The following GASK1A variants were observed in gnomAD, a reference collection of about 807,000 sequenced individuals.
GASK1A encodes Golgi-associated kinase 1A.
Under a neutral mutation model 41.2 loss-of-function variants are expected in GASK1A, and 40 were observed. The ratio of observed to expected loss-of-function variants is 0.97; its 90% CI spans 0.75 to 1.27. GASK1A has a LOEUF of 1.27. Among genes scored for constraint, GASK1A ranks in the 50% most tolerant of loss-of-function variants. The pLI, the probability that GASK1A is intolerant of heterozygous loss-of-function variation, is 0.00. For missense variants in GASK1A, 678 were observed against 745.1 expected (o/e 0.91, Z 1.05); for synonymous variants, 316 against 307.1 (o/e 1.03, Z -0.30).
At chr3:43,039,038 C>CTT (rs58111345) in intron 2 of GASK1A, among the ~76,000 whole-genome samples, 1,673 of 142,828 alleles carry the variant, frequency 0.012, 32 homozygotes, top group African/African-American at 0.04. Flanking sequence ...CCTCTTTTGA[C>CTT]TTTTTTTTTT....
At chr3:43,045,156 A>G (rs1242426999) in intron 2 of GASK1A, among the ~76,000 whole-genome samples, 2 of 152,160 alleles carry the variant, frequency 1.3e-5, no homozygotes, top group Non-Finnish European at 2.9e-5. Context: ...AATGGAGAGC[A>G]TGTTTACTAG....
At chr3:43,013,469 C>G (rs1446433358) in intron 1 of GASK1A, among the ~76,000 whole-genome samples, 3 of 131,078 alleles carry the variant, frequency 2.3e-5, no homozygotes, top group African/African-American at 5.9e-5. Context: ...GAAGTAACAG[C>G]AAGGGGCTGT....
At chr3:42,991,875 G>A (rs1036611130) in intron 1 of GASK1A, among the ~76,000 whole-genome samples, 2 of 152,188 alleles carry the variant, frequency 1.3e-5, no homozygotes, top group South Asian at 2.1e-4. Context: ...CTGGCTGCTG[G>A]CAGGGTTGCT....
chr3:43,041,177 A>G (rs1265320445), intron 2 of GASK1A, among the ~76,000 whole-genome samples: 2 of 150,350 alleles, frequency 1.3e-5, no homozygotes, highest in African/African-American at 4.9e-5. Flanking sequence ...TAGTGCCGCA[A>G]TAAACATACA....
chr3:43,013,210 G>T (rs963722520), intron 1 of GASK1A, among the ~76,000 whole-genome samples: 3 of 151,936 alleles, frequency 2.0e-5, no homozygotes, highest in Non-Finnish European at 4.4e-5. Context: ...GGGGCAGTGA[G>T]AAGTCACAGG....
chr3:42,991,050 G>A (rs2089338140), intron 1 of GASK1A, among the ~76,000 whole-genome samples: 1 of 152,198 alleles, frequency 6.6e-6, no homozygotes. Flanking sequence ...GGTGGAAGCA[G>A]TGGGGGTGGG....
intron 1 of GASK1A, among the ~76,000 whole-genome samples, chr3:42,980,607 A>G (rs1279750678): frequency 6.6e-6 from 1 of 152,048 alleles, no homozygotes; most frequent in Non-Finnish European, 1.5e-5. Flanking sequence ...GCGCTGTAGG[A>G]TGGAGGGTCT....
chr3:43,006,773 C>T (rs888038143), intron 1 of GASK1A, among the ~76,000 whole-genome samples: 1 of 152,130 alleles, frequency 6.6e-6, no homozygotes, highest in Non-Finnish European at 1.5e-5. Context: ...CAAAGAGAAG[C>T]AGGGAAACAG....
chr3:42,995,183 G>A (rs765861479), intron 1 of GASK1A, among the ~76,000 whole-genome samples: 4 of 152,160 alleles, frequency 2.6e-5, no homozygotes, highest in Non-Finnish European at 4.4e-5. Context: ...CCTATGTTTC[G>A]TTTCTTCAGG....
At chr3:43,025,290 GC>G (rs2089541602) in intron 1 of GASK1A, among the ~76,000 whole-genome samples, 1 of 152,148 alleles carries the variant, frequency 6.6e-6, no homozygotes, top group Non-Finnish European at 1.5e-5. Flanking sequence ...GGAAAAATTT[GC>G]AAGACTTAGA....
At chr3:42,995,366 C>T (rs890318698) in intron 1 of GASK1A, among the ~76,000 whole-genome samples, 13 of 152,180 alleles carry the variant, frequency 8.5e-5, no homozygotes, top group South Asian at 2.1e-4. Flanking sequence ...TCATACTCTA[C>T]GCCAACCATG....
intron 1 of GASK1A, among the ~76,000 whole-genome samples, chr3:43,011,859 G>T (rs1408524714): frequency 6.6e-6 from 1 of 151,154 alleles, no homozygotes; most frequent in African/African-American, 2.4e-5. Context: ...AAGGGGCTGT[G>T]TGAAGCCAAG....
At chr3:43,054,889 A>G (rs553073782) in intron 3 of GASK1A, among the ~76,000 whole-genome samples, 19 of 152,342 alleles carry the variant, frequency 1.2e-4, no homozygotes, top group Middle Eastern at 3.4e-3. Context: ...GCCCAGGTGC[A>G]CAGGCACAGG....
chr3:42,995,717 G>A (rs2089365835), intron 1 of GASK1A, among the ~76,000 whole-genome samples: 1 of 152,168 alleles, frequency 6.6e-6, no homozygotes, highest in Non-Finnish European at 1.5e-5. Context: ...CATGCACAGG[G>A]AAGGCACAGA....
intron 2 of GASK1A, among the ~76,000 whole-genome samples, chr3:43,043,121 G>T (rs1426722934): frequency 6.6e-6 from 1 of 152,202 alleles, no homozygotes; most frequent in Non-Finnish European, 1.5e-5. Flanking sequence ...CTCCAACTAT[G>T]CTGCAACTCT....
chr3:43,050,839 C>T (rs1432045475), intron 2 of GASK1A, among the ~76,000 whole-genome samples: 7 of 152,110 alleles, frequency 4.6e-5, no homozygotes, highest in Non-Finnish European at 7.4e-5. Context: ...TACTTTTCAA[C>T]TCCATAATTT....
chr3:43,050,146 C>T (rs957232060), intron 2 of GASK1A, among the ~76,000 whole-genome samples: 1 of 152,072 alleles, frequency 6.6e-6, no homozygotes, highest in Non-Finnish European at 1.5e-5. Context: ...ATTCAAGTTA[C>T]TACTTAGTGT....
intron 1 of GASK1A, among the ~76,000 whole-genome samples, chr3:43,011,754 A>C (rs1406588056): frequency 6.6e-6 from 1 of 151,814 alleles, no homozygotes; most frequent in Non-Finnish European, 1.5e-5. Flanking sequence ...AACTGTGTGA[A>C]GCCAAGGGAA....
At chr3:42,992,154 G>A (rs992937199) in intron 1 of GASK1A, among the ~76,000 whole-genome samples, 1 of 152,132 alleles carries the variant, frequency 6.6e-6, no homozygotes, top group Non-Finnish European at 1.5e-5. Context: ...TGGGAGTCTG[G>A]AGAGGCTCCT....
Sources: gnomAD v4.1 joint callset for allele counts (sites outside exome capture counted in the v4.1 genomes callset) on GRCh38, gnomAD v4.1.1 for gene constraint, MANE v1.5 for transcripts, NCBI Gene and HGNC (gene_info 2026-07-23, HGNC 2026-07-21) for gene names.